The following GRIP1 variants were observed in gnomAD, a reference collection of about 807,000 sequenced individuals.
The protein encoded by GRIP1 is glutamate receptor interacting protein 1.
GRIP1 carries 45 observed loss-of-function variants against 129.9 expected under a neutral mutation model. The ratio of observed to expected loss-of-function variants is 0.35; its 90% CI spans 0.27 to 0.44. The LOEUF (loss-of-function observed/expected upper bound fraction) is 0.44, where lower values mean the gene tolerates loss of function less well. GRIP1 is among the 20% of genes least tolerant of loss of function. GRIP1 has a pLI of 1.00. For synonymous variants in GRIP1, 530 were observed against 520.8 expected (o/e 1.02, Z -0.24); for missense variants, 1,196 against 1,396.8 (o/e 0.86, Z 2.29).
At chr12:66,413,906 T>C (rs978990621) in intron 15 of GRIP1, among the ~76,000 whole-genome samples, 2 of 152,064 alleles carry the variant, frequency 1.3e-5, no homozygotes, top group African/African-American at 4.8e-5. Flanking sequence ...CATCCCTTCA[T>C]TTAAAAACTC....
chr12:66,910,337 C>CT (rs2041008194), intron 1 of GRIP1, among the ~76,000 whole-genome samples: 1 of 152,164 alleles, frequency 6.6e-6, no homozygotes, highest in African/African-American at 2.4e-5. Context: ...CTTCCCTTTA[C>CT]TTTCTTCTCC....
At chr12:66,584,575 G>C (rs1224944085) in intron 2 of GRIP1, among the ~76,000 whole-genome samples, 3 of 151,930 alleles carry the variant, frequency 2.0e-5, no homozygotes, top group East Asian at 3.9e-4. Context: ...AAATATTCTG[G>C]GTGTTATAAA....
intron 1 of GRIP1, among the ~76,000 whole-genome samples, chr12:66,950,777 G>T (rs1159381186): frequency 1.3e-5 from 2 of 151,990 alleles, no homozygotes; most frequent in African/African-American, 2.4e-5. Context: ...CATTTATTAA[G>T]AAAAAACTGT....
chr12:66,558,139 T>C (rs193229275), intron 2 of GRIP1, among the ~76,000 whole-genome samples: 1 of 152,290 alleles, frequency 6.6e-6, no homozygotes, highest in Admixed American at 6.5e-5. Flanking sequence ...TTACAGCTGA[T>C]ACTACAGAAA....
At chr12:66,732,278 T>C (rs1314578575) in intron 1 of GRIP1, among the ~76,000 whole-genome samples, 1 of 152,162 alleles carries the variant, frequency 6.6e-6, no homozygotes, top group African/African-American at 2.4e-5. Context: ...AGGCTAGGTA[T>C]GGTGGCTCAC....
chr12:66,710,079 G>A (rs189483651), intron 1 of GRIP1, among the ~76,000 whole-genome samples: 141 of 152,014 alleles, frequency 9.3e-4, no homozygotes, highest in African/African-American at 3.3e-3. Context: ...TGGTTGCCAG[G>A]TTGCTCTGCA....
chr12:66,526,439 T>G (rs527754869), intron 5 of GRIP1, among the ~76,000 whole-genome samples: 2 of 152,304 alleles, frequency 1.3e-5, no homozygotes, highest in Non-Finnish European at 2.9e-5. Flanking sequence ...AAGGATTCCC[T>G]ATTTAATAAA....
chr12:66,632,575 T>C (rs1346446710), intron 1 of GRIP1, among the ~76,000 whole-genome samples: 10 of 152,168 alleles, frequency 6.6e-5, no homozygotes, highest in Non-Finnish European at 1.3e-4. Flanking sequence ...AATGAACACT[T>C]TCCTTATCGA....
At chr12:66,843,205 T>C (rs2039752600) in intron 1 of GRIP1, among the ~76,000 whole-genome samples, 1 of 152,014 alleles carries the variant, frequency 6.6e-6, no homozygotes, top group African/African-American at 2.4e-5. Context: ...ATTCTACTTA[T>C]AATAACATCA....
At chr12:66,776,914 T>G (rs1488856055) in intron 1 of GRIP1, among the ~76,000 whole-genome samples, 1 of 152,184 alleles carries the variant, frequency 6.6e-6, no homozygotes, top group Non-Finnish European at 1.5e-5. Context: ...ATAGACATTG[T>G]AGCTGTCATT....
At chr12:66,788,086 G>A (rs2038412416) in intron 1 of GRIP1, among the ~76,000 whole-genome samples, 1 of 152,078 alleles carries the variant, frequency 6.6e-6, no homozygotes, top group Non-Finnish European at 1.5e-5. Context: ...GGGTGGTCAT[G>A]GGGCACAAGA....
chr12:66,568,093 G>A, intron 2 of GRIP1: 1 of 276,888 alleles, frequency 3.6e-6, no homozygotes, highest in Non-Finnish European at 7.2e-6. Flanking sequence ...GTGGATGATG[G>A]GAAATCTGTT....
chr12:66,788,663 G>T (rs1426719333), intron 1 of GRIP1, among the ~76,000 whole-genome samples: 1 of 152,056 alleles, frequency 6.6e-6, no homozygotes, highest in Non-Finnish European at 1.5e-5. Flanking sequence ...GTGGAGAGGG[G>T]CATTTGCCGG....
At chr12:66,505,797 C>A (rs1371471905) in intron 7 of GRIP1, among the ~76,000 whole-genome samples, 2 of 151,944 alleles carry the variant, frequency 1.3e-5, no homozygotes, top group Non-Finnish European at 2.9e-5. Flanking sequence ...GTTTGTAACA[C>A]ATAACTGAAA....
chr12:66,442,918 C>CT (rs544756919), intron 13 of GRIP1, among the ~76,000 whole-genome samples: 4 of 152,072 alleles, frequency 2.6e-5, no homozygotes, highest in Admixed American at 6.6e-5. Flanking sequence ...AAAATATAAG[C>CT]TTTTTTTACT....
intron 14 of GRIP1, among the ~76,000 whole-genome samples, chr12:66,426,853 C>T (rs1483888932): frequency 1.3e-5 from 2 of 152,140 alleles, no homozygotes; most frequent in African/African-American, 4.8e-5. Flanking sequence ...AGAAGGCTCT[C>T]AGTCTCAACA....
chr12:66,685,764 A>G (rs895863911), intron 1 of GRIP1, among the ~76,000 whole-genome samples: 3 of 152,114 alleles, frequency 2.0e-5, no homozygotes, highest in Admixed American at 6.5e-5. Context: ...CCAGCTTATC[A>G]CCCTTTCTTG....
chr12:66,563,851 T>C (rs975666195), intron 2 of GRIP1: 6 of 152,294 alleles, frequency 3.9e-5, no homozygotes, highest in South Asian at 2.1e-4. Flanking sequence ...TGAGAAACCA[T>C]TGCAATAAGA....
At chr12:66,715,471 T>TGTGTGTGTGTGTGAGAGAGAGAGAGA (rs761155485) in intron 1 of GRIP1, among the ~76,000 whole-genome samples, 1 of 110,056 alleles carries the variant, frequency 9.1e-6, no homozygotes, top group Non-Finnish European at 2.0e-5. Flanking sequence ...TGTGTGTGTG[T>TGTGTGTGTGTGTGAGAGAGAGAGAGA]GAGAGAGAGA....
Sources: gnomAD v4.1 joint callset for allele counts (sites outside exome capture counted in the v4.1 genomes callset) on GRCh38, gnomAD v4.1.1 for gene constraint, MANE v1.5 for transcripts, NCBI Gene and HGNC (gene_info 2026-07-23, HGNC 2026-07-21) for gene names.